IL17D: variants seen among roughly 807,000 people sequenced by gnomAD.
IL17D encodes interleukin-17D.
A neutral mutation model predicts 5.7 loss-of-function variants in IL17D; 10 were observed. The observed-to-expected ratio is 1.75, with a 90% CI of 1.08 to 2.97. IL17D has a LOEUF of 2.97. IL17D is among the 30% of genes most tolerant of loss of function. IL17D has a pLI of 0.00. For missense variants in IL17D, 354 were observed against 292.7 expected (o/e 1.21, Z -1.53); for synonymous variants, 172 against 141.7 (o/e 1.21, Z -1.52).
rs2058562452 is a variant in IL17D at position 20,703,709 on chromosome 13, C to G, written c.-293C>G. The G allele has an allele frequency of 6.7e-6, 1 of 148,390 alleles. No individual in the cohort carries two copies. Among genetic ancestry groups the G allele is most frequent in the East Asian group, 2.0e-4 (1 of 5,050 alleles). The allele number at this position is 148,390 out of a possible 1,614,324, so 9.2% of individuals were successfully genotyped here. On this transcript the variant is annotated 5_prime_UTR_variant, in exon 1 of 2. Coordinates refer to ENST00000682841, the MANE Select transcript of IL17D (RefSeq NM_001385224.1). The stretch of plus-strand genomic sequence containing the variant: ...CACACGCACACGTGCACGCGCGCCC[C>G]GCACCCGCCCCCCGTGCGGCCCCCG...
Position 20,704,142 on chromosome 13 carries a change from G to A in IL17D, c.141G>A (p.Ala47=), listed in dbSNP as rs1464491919. The stretch of plus-strand genomic sequence containing the variant: ...TGGAGCAGCTGTACGGGCGCCTGGC[G>A]GCCGGCGTGCTCAGTGCCTTCCACC... The part of the protein sequence containing the change: ...ELLEQLYGRL[A]AGVLSAFHHT... The change falls in exon 1 of 2, where the codon GCG becomes GCA. Residue 47 remains alanine (A), a synonymous_variant. Coordinates refer to ENST00000682841, the MANE Select transcript of IL17D (RefSeq NM_001385224.1). 8 of 1,345,592 alleles carry A rather than the reference G, an allele frequency of 5.9e-6. No homozygotes were observed. Among genetic ancestry groups the A allele is most frequent in the Middle Eastern group, 2.8e-4 (1 of 3,524 alleles). 83.4% of individuals were successfully genotyped at this position (1,345,592 alleles called of 1,614,324 possible). A position where few individuals can be genotyped will look rare whatever the true frequency, so the allele number is the denominator to read the frequency against.
chr13:20,706,080 T>C (rs2058589965), intron 1 of IL17D, among the ~76,000 whole-genome samples: 1 of 152,206 alleles, frequency 6.6e-6, no homozygotes, highest in South Asian at 2.1e-4. Flanking sequence ...TCCTGGCTAC[T>C]CTGCAGAGGA....
intron 1 of IL17D, among the ~76,000 whole-genome samples, chr13:20,720,003 C>A (rs1407497215): frequency 6.6e-6 from 1 of 152,134 alleles, no homozygotes; most frequent in Non-Finnish European, 1.5e-5. Context: ...CGGGATATAT[C>A]AAGTTTCCTA....
At chr13:20,720,732 A>C (rs1255571914) in intron 1 of IL17D, among the ~76,000 whole-genome samples, 1 of 152,114 alleles carries the variant, frequency 6.6e-6, no homozygotes, top group African/African-American at 2.4e-5. Flanking sequence ...CAAACAGTGG[A>C]CTAGTGCTTG....
rs965333523 is a variant in IL17D at position 20,718,410 on chromosome 13, TCACA to T, written c.291-3221_291-3218del. Among the ~76,000 whole-genome samples the T allele has an allele frequency of 5.7e-5, 7 of 123,036 alleles. No homozygotes were observed. The South Asian group carries it at 7.8e-4, about 14-fold the overall frequency. The allele number at this position is 123,036 out of a possible 152,430, so 80.7% of individuals were successfully genotyped here. ...CCCACTTACACACACACGCCAACGC[TCACA>T]CACATACGTGCCCGTGCTCACACAC... On this transcript the variant is annotated intron_variant, in intron 1 of 1. Coordinates refer to ENST00000682841, the MANE Select transcript of IL17D (RefSeq NM_001385224.1).
At chr13:20,703,474 G>A, upstream of IL17D, 1 of 964,416 alleles carries the variant, frequency 1.0e-6, no homozygotes, top group Non-Finnish European at 1.2e-6. Context: ...GGGGCTTCTC[G>A]CGGAAAAGCG....
chr13:20,706,441 G>A (rs1196528841), intron 1 of IL17D, among the ~76,000 whole-genome samples: 5 of 152,252 alleles, frequency 3.3e-5, no homozygotes, highest in Admixed American at 1.3e-4. Flanking sequence ...AGGCAAACCC[G>A]TGGCTCCCCA....
chr13:20,712,935 T>TCCTCCCTCCCTTCTTTCCTTCCTCTCTC, intron 1 of IL17D: 1 of 152,116 alleles, frequency 6.6e-6, no homozygotes, highest in African/African-American at 2.4e-5. Flanking sequence ...TTTCCTTCCT[T>TCCTCCCTCCCTTCTTTCCTTCCTCTCTC]CCTCCCTCCC....
upstream of IL17D, chr13:20,701,814 G>A (rs1594993208): frequency 6.6e-6 from 1 of 152,284 alleles, no homozygotes. Flanking sequence ...TATCAAATTT[G>A]TTCTGCCAAA....
At chr13:20,718,637 C>T (rs1325526948) in intron 1 of IL17D, among the ~76,000 whole-genome samples, 1 of 129,752 alleles carries the variant, frequency 7.7e-6, no homozygotes, top group African/African-American at 3.0e-5. Flanking sequence ...CACAGGCCCA[C>T]GCTCACACAC....
intron 1 of IL17D, chr13:20,714,167 C>T (rs2058661367): frequency 6.6e-6 from 1 of 152,242 alleles, no homozygotes; most frequent in African/African-American, 2.4e-5. Flanking sequence ...GGTTCTCATT[C>T]TCATTTCTTT....
At chr13:20,705,856 G>A (rs1262087091) in intron 1 of IL17D, among the ~76,000 whole-genome samples, 2 of 152,186 alleles carry the variant, frequency 1.3e-5, no homozygotes, top group African/African-American at 4.8e-5. Context: ...GCAGCGCGGT[G>A]GGAAGGGGAG....
chr13:20,719,164 C>G (rs1483518097), intron 1 of IL17D, among the ~76,000 whole-genome samples: 3 of 149,072 alleles, frequency 2.0e-5, no homozygotes. Context: ...CACACCTGCC[C>G]ATCACGCACG....
intron 1 of IL17D, among the ~76,000 whole-genome samples, chr13:20,706,404 T>C (rs2058592578): frequency 6.6e-6 from 1 of 152,280 alleles, no homozygotes; most frequent in Non-Finnish European, 1.5e-5. Flanking sequence ...CTGCTGGCCC[T>C]GCTTTCTATA....
chr13:20,721,688 C>G lies in IL17D; in HGVS notation c.343C>G (p.Leu115Val). 6.2e-7 allele frequency: 1 copy of G among 1,611,066 alleles called. No homozygotes were observed. Residue 115 changes from leucine to valine, a missense_variant, in exon 2 of 2, where the codon CTG (leucine) becomes GTG (valine). Physicochemically the swap from Leu to Val is conservative, Grantham distance 32. Coordinates refer to ENST00000682841, the MANE Select transcript of IL17D (RefSeq NM_001385224.1). ...CAGGTACCTGCCTGAAGCCTACTGC[C>G]TGTGCCGGGGCTGCCTGACCGGGCT... is the stretch of plus-strand genomic sequence containing the variant. ...YPRYLPEAYC[L>V]CRGCLTGLFG...
chr13:20,712,685 A>AC lies in IL17D; in HGVS notation c.290+8394_290+8395insC, dbSNP rs2058648894. 3 of 151,710 alleles carry AC rather than the reference A, an allele frequency of 2.0e-5. No homozygotes were observed. The South Asian group carries it at 6.2e-4, about 32-fold the overall frequency. 9.4% of individuals were successfully genotyped at this position (151,710 alleles called of 1,614,324 possible). On this transcript the variant is annotated intron_variant, in intron 1 of 1. Transcript: ENST00000682841. Reference sequence around the variant, plus strand: ...TGTGTGCCGACGCTAAAAAAAAAAAAAAACCCCACCCTGCAGGCTGAGACC... The same window carrying AC: ...TGTGTGCCGACGCTAAAAAAAAAAAACAAACCCCACCCTGCAGGCTGAGACC...
chr13:20,718,679 C>T, intron 1 of IL17D, among the ~76,000 whole-genome samples: 1 of 128,346 alleles, frequency 7.8e-6, no homozygotes, highest in Non-Finnish European at 1.7e-5. Context: ...CTCACACACA[C>T]CTGCCCACTT....
chr13:20,720,685 C>A lies in IL17D; in HGVS notation c.291-951C>A, dbSNP rs532293316. On this transcript the variant is annotated intron_variant, in intron 1 of 1. Transcript: ENST00000682841. ...CCACCCCGACTGGAAGCCTTGGAGT[C>A]ATTGCTGACTTTCTGTCCGACCTCA... Among the ~76,000 whole-genome samples, 5 of 152,288 alleles carry A rather than the reference C, an allele frequency of 3.3e-5. No homozygotes were observed. The South Asian group carries it at 1.0e-3, about 32-fold the overall frequency.
chr13:20,711,268 A>G (rs904989674), intron 1 of IL17D, among the ~76,000 whole-genome samples: 1 of 131,078 alleles, frequency 7.6e-6, no homozygotes, highest in Non-Finnish European at 1.6e-5. Context: ...CTGTCTCAAA[A>G]AAAGAAAAAA....
Sources: allele counts gnomAD v4.1 joint callset (sites outside exome capture counted in the v4.1 genomes callset), GRCh38; gene constraint gnomAD v4.1.1; transcripts MANE v1.5; gene names NCBI Gene and HGNC (gene_info 2026-07-23, HGNC 2026-07-21).